Variants in BRIP1 observed in about 807,000 individuals in gnomAD.
BRIP1 encodes BRCA1 interacting DNA helicase 1.
BRIP1 carries 88 observed loss-of-function variants against 119.7 expected under a neutral mutation model. The ratio of observed to expected loss-of-function variants is 0.74; its 90% CI spans 0.62 to 0.88. BRIP1 has a LOEUF of 0.88. Among genes scored for constraint, BRIP1 ranks in the 40% least tolerant of loss-of-function variants. The pLI is 0.00. For synonymous variants in BRIP1, 443 were observed against 496.5 expected (o/e 0.89, Z 1.43); for missense variants, 1,259 against 1,455.4 (o/e 0.87, Z 2.20).
chr17:61,807,692 A>T lies in BRIP1; in HGVS notation c.918+775T>A, dbSNP rs903410443. 6.6e-6 allele frequency among the ~76,000 whole-genome samples: 1 copy of T among 152,148 alleles called. No individual in the cohort carries two copies. The highest frequency in any genetic ancestry group is 1.5e-5 in the Non-Finnish European group (1 of 68,008). ...CAAAACAACTCTAAAAATATATTAA[A>T]ATATCATTGGTCACTTCATAGTAAT... On this transcript the variant is annotated intron_variant, in intron 7 of 19. Transcript: ENST00000259008. This position sits in a 1 kb window ranked among gnomAD's most constrained non-coding sequence, Gnocchi z 4.5.
intron 18 of BRIP1, among the ~76,000 whole-genome samples, chr17:61,688,866 T>C (rs1403069160): frequency 6.6e-6 from 1 of 150,676 alleles, no homozygotes; most frequent in African/African-American, 2.4e-5. Flanking sequence ...ATTTCAACAA[T>C]GATAAAGAAT....
intron 3 of BRIP1, 60 bp downstream of exon 3, chr17:61,859,736 A>G (rs1188097981): frequency 9.5e-7 from 1 of 1,048,174 alleles, no homozygotes; most frequent in Non-Finnish European, 1.5e-6. Flanking sequence ...GATAAAGAAT[A>G]CTGTATTATA....
Position 61,753,396 on chromosome 17 carries a change from G to A in BRIP1, c.2098-8805C>T, listed in dbSNP as rs1024519113. Reference sequence around the variant, plus strand: ...GACTGGAAGGAAAGATTAAAAGTTTGTTGCCTTTAAGATATCCAAATGGAA... The same window carrying A: ...GACTGGAAGGAAAGATTAAAAGTTTATTGCCTTTAAGATATCCAAATGGAA... On this transcript the variant is annotated intron_variant, in intron 14 of 19. Transcript: ENST00000259008. This position sits in a 1 kb window ranked among gnomAD's most constrained non-coding sequence, Gnocchi z 4.6. 6.6e-6 allele frequency among the ~76,000 whole-genome samples: 1 copy of A among 152,164 alleles called. No homozygotes were observed. Among genetic ancestry groups the A allele is most frequent in the Admixed American group, 6.6e-5 (1 of 15,264 alleles).
At position 61,804,147 on chromosome 17, in the gene BRIP1, A is replaced by C. The variant is rs2078036753; in HGVS notation, c.919-2673T>G. On this transcript the variant is annotated intron_variant, in intron 7 of 19. Coordinates refer to ENST00000259008, the MANE Select transcript of BRIP1 (RefSeq NM_032043.3). This position sits in a 1 kb window ranked among gnomAD's most constrained non-coding sequence, Gnocchi z 4.5. Reference sequence around the variant, plus strand: ...CTTACAGTAGTTACCTTAAAGGATTAAGGAGATGGAGGATCTAGAAAAAGC... The same window carrying C: ...CTTACAGTAGTTACCTTAAAGGATTCAGGAGATGGAGGATCTAGAAAAAGC... Among the ~76,000 whole-genome samples, 1 of 152,272 alleles carries C rather than the reference A, an allele frequency of 6.6e-6. No individual in the cohort carries two copies. The highest frequency in any genetic ancestry group is 2.1e-4 in the South Asian group (1 of 4,826).
chr17:61,801,207 T>C (rs1357455670), intron 8 of BRIP1, 46 bp downstream of exon 8: 1 of 1,526,964 alleles, frequency 6.5e-7, no homozygotes, highest in African/African-American at 1.4e-5. Flanking sequence ...AACATTTACA[T>C]CTCCATGAGT....
rs2078719965 is a variant in BRIP1 at position 61,845,850 on chromosome 17, T to C, written c.627+1251A>G. ...ATTAAATAAAATTAGTAATTTTTACTGCTTCATCAAAGACATTCTTAAATG... is the reference window on the plus strand; with the variant it reads ...ATTAAATAAAATTAGTAATTTTTACCGCTTCATCAAAGACATTCTTAAATG... On this transcript the variant is annotated intron_variant, in intron 6 of 19. Coordinates refer to ENST00000259008, the MANE Select transcript of BRIP1 (RefSeq NM_032043.3). This position sits in a 1 kb window ranked among gnomAD's most constrained non-coding sequence, Gnocchi z 4.2. Among the ~76,000 whole-genome samples the C allele has an allele frequency of 6.6e-6, 1 of 152,228 alleles. No individual in the cohort carries two copies. The highest frequency in any genetic ancestry group is 2.4e-5 in the African/African-American group (1 of 41,450).
intron 18 of BRIP1, among the ~76,000 whole-genome samples, chr17:61,692,531 C>A (rs1302246422): frequency 6.6e-6 from 1 of 151,600 alleles, no homozygotes; most frequent in African/African-American, 2.4e-5. Context: ...TCCAAATAAC[C>A]CAATTAAAAA....
At position 61,724,727 on chromosome 17, in the gene BRIP1, C is replaced by A. The variant is rs900398937; in HGVS notation, c.2380-8664G>T. On this transcript the variant is annotated intron_variant, in intron 16 of 19. Coordinates refer to ENST00000259008, the MANE Select transcript of BRIP1 (RefSeq NM_032043.3). The surrounding 1 kb of genome is among the most constrained non-coding windows in gnomAD (Gnocchi z 5.1). ...GTATGTAAGCTTGAAGACAAAAGTT[C>A]AAGCCTCCAAATGAGACTAAGGACA... is the stretch of plus-strand genomic sequence containing the variant. Among the ~76,000 whole-genome samples the A allele has an allele frequency of 5.3e-5, 8 of 152,090 alleles. No homozygotes were observed. The highest frequency in any genetic ancestry group is 1.7e-4 in the African/African-American group (7 of 41,434).
In BRIP1 at chr17:61,743,956, G is replaced by T. The variant is rs1428289560; in HGVS notation, c.2257+476C>A. ...CCCGCCTCAGCCTCCCAAAGCGCTA[G>T]GATTACAGGCAAGAGCCACCACGCC... On this transcript the variant is annotated intron_variant, in intron 15 of 19. Coordinates refer to ENST00000259008, the MANE Select transcript of BRIP1 (RefSeq NM_032043.3). The surrounding 1 kb of genome is among the most constrained non-coding windows in gnomAD (Gnocchi z 4.3). 1.3e-5 allele frequency among the ~76,000 whole-genome samples: 2 copies of T among 152,178 alleles called. No homozygotes were observed. Among genetic ancestry groups the T allele is most frequent in the Admixed American group, 6.5e-5 (1 of 15,270 alleles).
rs536840805 is a variant in BRIP1 at position 61,813,144 on chromosome 17, T to C, written c.628-4387A>G. 4.6e-5 allele frequency among the ~76,000 whole-genome samples: 7 copies of C among 152,154 alleles called. No homozygotes were observed. In the East Asian group the frequency reaches 1.3e-3, roughly 29 times the overall value. The stretch of plus-strand genomic sequence containing the variant: ...CTCAAAGGAGACTACAAATTGAATT[T>C]CAAAAGCAGGCAGGAGTACGAAAAC... On this transcript the variant is annotated intron_variant, in intron 6 of 19. Transcript: ENST00000259008.
Position 61,695,119 on chromosome 17 carries a change from CCT to C in BRIP1, c.2493-1609_2493-1608del, listed in dbSNP as rs1056990406. On this transcript the variant is annotated intron_variant, in intron 17 of 19. Transcript: ENST00000259008. The surrounding 1 kb of genome is among the most constrained non-coding windows in gnomAD (Gnocchi z 4.3). ...TAATACAAGGTCAAGAAAATTTATA[CCT>C]CTGTTTTTGCCTTTTTCTGTCTTTG... Among the ~76,000 whole-genome samples the C allele has an allele frequency of 2.6e-5, 4 of 151,912 alleles. No homozygotes were observed. Among genetic ancestry groups the C allele is most frequent in the African/African-American group, 4.8e-5 (2 of 41,394 alleles).
rs1275495697 is a variant in BRIP1 at position 61,853,151 on chromosome 17, A to C, written c.380-3895T>G. On this transcript the variant is annotated intron_variant, in intron 4 of 19. Transcript: ENST00000259008. This position sits in a 1 kb window ranked among gnomAD's most constrained non-coding sequence, Gnocchi z 4.3. ...GAAATAATACACAGAAACAAGAAGT[A>C]CTACTATATGCAACAGCATGAATGA... Among the ~76,000 whole-genome samples, 2 of 152,218 alleles carry C rather than the reference A, an allele frequency of 1.3e-5. No homozygotes were observed. The highest frequency in any genetic ancestry group is 4.8e-5 in the African/African-American group (2 of 41,462).
rs760202569 is a variant in BRIP1, at chr17:61,683,282, A to G, written c.*14T>C. On this transcript the variant is annotated 3_prime_UTR_variant, in exon 20 of 20. Coordinates refer to ENST00000259008, the MANE Select transcript of BRIP1 (RefSeq NM_032043.3). This position sits in a 1 kb window ranked among gnomAD's most constrained non-coding sequence, Gnocchi z 4.7. ...TGATGACATATTTTTACTTAGCTTGAGAGTTAAGTATTATTACTTAAAACC... is the reference window on the plus strand; with the variant it reads ...TGATGACATATTTTTACTTAGCTTGGGAGTTAAGTATTATTACTTAAAACC... The G allele has an allele frequency of 1.2e-6, 2 of 1,600,572 alleles. No homozygotes were observed. The highest frequency in any genetic ancestry group is 1.7e-6 in the Non-Finnish European group (2 of 1,169,082).
At position 61,705,634 on chromosome 17, in the gene BRIP1, T is replaced by C. The variant is rs746373229; in HGVS notation, c.2492+10317A>G. 1.4e-4 allele frequency among the ~76,000 whole-genome samples: 22 copies of C among 152,188 alleles called. No homozygotes were observed. Among genetic ancestry groups the C allele is most frequent in the Non-Finnish European group, 2.5e-4 (17 of 68,020 alleles). On this transcript the variant is annotated intron_variant, in intron 17 of 19. Transcript: ENST00000259008. The surrounding 1 kb of genome is among the most constrained non-coding windows in gnomAD (Gnocchi z 5.0). ...CTCTTCTTTTTCTAGCTTCATAAGG[T>C]AGAAACTAAGATCAATGATTTGAGG...
chr17:61,698,274 T>A (rs2061558793), intron 17 of BRIP1, among the ~76,000 whole-genome samples: 1 of 152,266 alleles, frequency 6.6e-6, no homozygotes, highest in African/African-American at 2.4e-5. Context: ...TGAATTTCCA[T>A]GTATTTGTGA....
At chr17:61,838,729 T>C (rs1219737664) in intron 6 of BRIP1, among the ~76,000 whole-genome samples, 1 of 151,538 alleles carries the variant, frequency 6.6e-6, no homozygotes, top group African/African-American at 2.4e-5. Context: ...ATACAACAGA[T>C]AAAATGTGAG....
In BRIP1 at chr17:61,735,758, A is replaced by G. The variant is rs1021987910; in HGVS notation, c.2379+7255T>C. On this transcript the variant is annotated intron_variant, in intron 16 of 19. Transcript: ENST00000259008. The surrounding 1 kb of genome is among the most constrained non-coding windows in gnomAD (Gnocchi z 4.4). ...CAAGGCTGCAGTGACCCATGACCGC[A>G]CCACTGCACTCTAGCCTGGGCAATG... Among the ~76,000 whole-genome samples, 1 of 151,866 alleles carries G rather than the reference A, an allele frequency of 6.6e-6. No homozygotes were observed. The highest frequency in any genetic ancestry group is 1.5e-5 in the Non-Finnish European group (1 of 67,934).
In BRIP1 at chr17:61,827,566, A is replaced by G. The variant is rs1015460523; in HGVS notation, c.628-18809T>C. Among the ~76,000 whole-genome samples the G allele has an allele frequency of 5.3e-5, 8 of 152,146 alleles. No individual in the cohort carries two copies. The highest frequency in any genetic ancestry group is 1.7e-4 in the African/African-American group (7 of 41,414). ...AACATGGTGAAACCCCATCTCTATTAAAAATACAAAAAATTAGCCAGGCGT... is the reference window on the plus strand; with the variant it reads ...AACATGGTGAAACCCCATCTCTATTGAAAATACAAAAAATTAGCCAGGCGT... On this transcript the variant is annotated intron_variant, in intron 6 of 19. Coordinates refer to ENST00000259008, the MANE Select transcript of BRIP1 (RefSeq NM_032043.3). This position sits in a 1 kb window ranked among gnomAD's most constrained non-coding sequence, Gnocchi z 5.8.
At position 61,739,995 on chromosome 17, in the gene BRIP1, C is replaced by T. The variant is rs968776166; in HGVS notation, c.2379+3018G>A. On this transcript the variant is annotated intron_variant, in intron 16 of 19. Coordinates refer to ENST00000259008, the MANE Select transcript of BRIP1 (RefSeq NM_032043.3). The surrounding 1 kb of genome is among the most constrained non-coding windows in gnomAD (Gnocchi z 6.0). ...CTTCCATTGTAAGTAATCGCATAAC[C>T]GGGCAAAATGGAGCAATTGTTTTCA... 3.3e-5 allele frequency among the ~76,000 whole-genome samples: 5 copies of T among 152,090 alleles called. No individual in the cohort carries two copies. Among genetic ancestry groups the T allele is most frequent in the East Asian group, 1.9e-4 (1 of 5,204 alleles).
Sources: allele counts gnomAD v4.1 joint callset (sites outside exome capture counted in the v4.1 genomes callset), GRCh38; gene constraint gnomAD v4.1.1; non-coding constraint Gnocchi (gnomAD v3.1); transcripts MANE v1.5; gene names NCBI Gene and HGNC (gene_info 2026-07-23, HGNC 2026-07-21).